Variants in GALNTL6 observed in about 807,000 individuals in gnomAD.
GALNTL6 encodes polypeptide N-acetylgalactosaminyltransferase like 6.
Under a neutral mutation model 73.7 loss-of-function variants are expected in GALNTL6, and 46 were observed. The ratio of observed to expected loss-of-function variants is 0.62; its 90% CI spans 0.49 to 0.80. The LOEUF (loss-of-function observed/expected upper bound fraction) is 0.80. GALNTL6 is among the 30% of genes least tolerant of loss of function. GALNTL6 has a pLI of 0.00. For missense variants in GALNTL6, 604 were observed against 755.0 expected, an observed-to-expected ratio of 0.80 and a Z score of 2.34; for synonymous variants, 259 against 263.7, an observed-to-expected ratio of 0.98 and a Z score of 0.17.
intron 2 of GALNTL6, among the ~76,000 whole-genome samples, chr4:171,848,825 A>G (rs1735444448): frequency 6.6e-6 from 1 of 152,228 alleles, no homozygotes; most frequent in Non-Finnish European, 1.5e-5. Flanking sequence ...TATCCAAAGC[A>G]CTAAAACTTT....
rs559523541 is a variant in GALNTL6, at chr4:172,372,166, G to T, written c.553+23477G>T. Among the ~76,000 whole-genome samples, 12 of 152,224 alleles carry T rather than the reference G, an allele frequency of 7.9e-5. No homozygotes were observed. The South Asian group carries it at 2.1e-3, about 26-fold the overall frequency. ...ATTCTCCACAAATGAGCTTCCATCG[G>T]TATATAGGTTAAGGTCAGGATTAGC... On this transcript the variant is annotated intron_variant, in intron 5 of 12. Transcript: ENST00000506823.
At chr4:172,318,471 G>A (rs1740641397) in intron 4 of GALNTL6, among the ~76,000 whole-genome samples, 1 of 152,138 alleles carries the variant, frequency 6.6e-6, no homozygotes, top group Admixed American at 6.5e-5. Flanking sequence ...GGGAGGCTGA[G>A]GCAGGTGGAT....
chr4:172,712,431 A>T (rs1398062290), intron 5 of GALNTL6, among the ~76,000 whole-genome samples: 1 of 152,042 alleles, frequency 6.6e-6, no homozygotes, highest in Non-Finnish European at 1.5e-5. Flanking sequence ...TCCAAATGCT[A>T]TCCCTCCCCA....
At chr4:172,091,539 G>T (rs1214468053) in intron 2 of GALNTL6, among the ~76,000 whole-genome samples, 1 of 152,100 alleles carries the variant, frequency 6.6e-6, no homozygotes, top group East Asian at 1.9e-4. Flanking sequence ...GATTTTTAAT[G>T]GCTCCATAAA....
At chr4:172,552,859 G>GAAAAAAAAAAAAAAAA (rs1736013058) in intron 5 of GALNTL6, among the ~76,000 whole-genome samples, 1 of 32,280 alleles carries the variant, frequency 3.1e-5, no homozygotes, top group African/African-American at 1.2e-4. Flanking sequence ...AAAAAAAAAG[G>GAAAAAAAAAAAAAAAA]TAAAAACCGC....
chr4:172,743,701 C>T (rs190211459), intron 5 of GALNTL6, among the ~76,000 whole-genome samples: 1 of 152,048 alleles, frequency 6.6e-6, no homozygotes, highest in Non-Finnish European at 1.5e-5. Flanking sequence ...TAACAGAGAA[C>T]ATAACTGTGC....
chr4:172,699,756 C>G (rs566204405), intron 5 of GALNTL6, among the ~76,000 whole-genome samples: 1 of 152,194 alleles, frequency 6.6e-6, no homozygotes, highest in South Asian at 2.1e-4. Context: ...AAATTATGTT[C>G]CAATAAATAA....
intron 5 of GALNTL6, among the ~76,000 whole-genome samples, chr4:172,768,697 G>T (rs189825199): frequency 6.6e-6 from 1 of 152,196 alleles, no homozygotes; most frequent in Non-Finnish European, 1.5e-5. Context: ...ACACTGGTGG[G>T]TGTGTGACTT....
intron 5 of GALNTL6, among the ~76,000 whole-genome samples, chr4:172,353,639 C>A (rs1275550156): frequency 6.6e-6 from 1 of 151,906 alleles, no homozygotes; most frequent in East Asian, 1.9e-4. Context: ...CAAATAATGT[C>A]TTTCAAAACT....
chr4:173,013,125 T>C (rs371148332), intron 11 of GALNTL6, among the ~76,000 whole-genome samples: 1 of 152,164 alleles, frequency 6.6e-6, no homozygotes, highest in East Asian at 1.9e-4. Flanking sequence ...TCTGTTTCTA[T>C]AAGCTCCATG....
At chr4:172,571,045 G>A (rs1736739215) in intron 5 of GALNTL6, among the ~76,000 whole-genome samples, 1 of 152,176 alleles carries the variant, frequency 6.6e-6, no homozygotes, top group African/African-American at 2.4e-5. Context: ...TACAGATGAA[G>A]CTTCACTCAT....
intron 2 of GALNTL6, among the ~76,000 whole-genome samples, chr4:171,932,160 A>G (rs1187716703): frequency 6.6e-6 from 1 of 152,170 alleles, no homozygotes; most frequent in East Asian, 1.9e-4. Context: ...ATATAGGTAT[A>G]GGTGTGAAAA....
At chr4:172,117,315 A>C (rs545168705) in intron 2 of GALNTL6, among the ~76,000 whole-genome samples, 1 of 152,320 alleles carries the variant, frequency 6.6e-6, no homozygotes, top group South Asian at 2.1e-4. Flanking sequence ...TGTTATTCTA[A>C]TTGAGTCATT....
chr4:171,988,926 G>T, intron 2 of GALNTL6, among the ~76,000 whole-genome samples: 1 of 151,828 alleles, frequency 6.6e-6, no homozygotes, highest in East Asian at 1.9e-4. Context: ...TGAACTGGGG[G>T]AAAAGGTGGC....
intron 5 of GALNTL6, among the ~76,000 whole-genome samples, chr4:172,408,357 G>A (rs1306077849): frequency 6.6e-6 from 1 of 151,896 alleles, no homozygotes; most frequent in Non-Finnish European, 1.5e-5. Context: ...TGATGGTATA[G>A]TATAGACTTT....
At chr4:171,814,965 C>A in intron 2 of GALNTL6, 1 of 561,072 alleles carries the variant, frequency 1.8e-6, no homozygotes, top group Non-Finnish European at 3.1e-6. Flanking sequence ...AGAAGATAAT[C>A]TTTCACCATT....
At chr4:172,884,112 T>C (rs1338181415) in intron 8 of GALNTL6, among the ~76,000 whole-genome samples, 1 of 152,088 alleles carries the variant, frequency 6.6e-6, no homozygotes, top group Non-Finnish European at 1.5e-5. Context: ...ACATACTGAG[T>C]CCCTTTCTTT....
chr4:172,672,277 T>A (rs1318691449), intron 5 of GALNTL6, among the ~76,000 whole-genome samples: 1 of 152,248 alleles, frequency 6.6e-6, no homozygotes, highest in Non-Finnish European at 1.5e-5. Context: ...TCATGTGGTT[T>A]TTGTTTTAGT....
chr4:172,824,392 G>A (rs904552469), intron 7 of GALNTL6, among the ~76,000 whole-genome samples: 1 of 92,532 alleles, frequency 1.1e-5, no homozygotes, highest in Non-Finnish European at 1.9e-5. Flanking sequence ...GTGTGTGTGT[G>A]TGTTTGTGTG....
Sources: gnomAD v4.1 joint callset for allele counts (sites outside exome capture counted in the v4.1 genomes callset) on GRCh38, gnomAD v4.1.1 for gene constraint, MANE v1.5 for transcripts, NCBI Gene and HGNC (gene_info 2026-07-23, HGNC 2026-07-21) for gene names.